Variants in ITPKC observed in about 807,000 individuals in gnomAD.
ITPKC encodes inositol-trisphosphate 3-kinase C.
A neutral mutation model predicts 67.1 loss-of-function variants in ITPKC; 33 were observed. The observed-to-expected ratio is 0.49, with a 90% CI of 0.37 to 0.66. The LOEUF (loss-of-function observed/expected upper bound fraction) is 0.66. ITPKC is among the 30% of genes least tolerant of loss of function. The pLI, the probability that ITPKC is intolerant of heterozygous loss-of-function variation, is 0.00. For synonymous variants in ITPKC, 341 were observed against 359.8 expected (o/e 0.95, Z 0.59); for missense variants, 820 against 892.1 (o/e 0.92, Z 1.03).
intron 5 of ITPKC, among the ~76,000 whole-genome samples, 196 bp downstream of exon 5, chr19:40,737,283 C>T (rs978013833): frequency 6.6e-6 from 1 of 152,204 alleles, no homozygotes; most frequent in African/African-American, 2.4e-5. Flanking sequence ...CCGGTTGGCT[C>T]ATGACTTGGC....
At chr19:40,730,476 G>T (rs1328800425) in intron 3 of ITPKC, among the ~76,000 whole-genome samples, 2 of 152,054 alleles carry the variant, frequency 1.3e-5, no homozygotes, top group Non-Finnish European at 2.9e-5. Context: ...CTGTTGCCCC[G>T]ACTGAAGTGA....
Position 40,737,695 on chromosome 19 carries a change from C to T in ITPKC, c.1777-3C>T, listed in dbSNP as rs749888176. 1 of 1,614,044 alleles carries T rather than the reference C, an allele frequency of 6.2e-7. No homozygotes were observed. Among genetic ancestry groups the T allele is most frequent in the South Asian group, 1.1e-5 (1 of 91,082 alleles). ...TAACCAAAGAACGCTCCCTGTCACACAGCAAAAGTACGTGGCATGCCTAGA... is the reference window on the plus strand; with the variant it reads ...TAACCAAAGAACGCTCCCTGTCACATAGCAAAAGTACGTGGCATGCCTAGA... On this transcript the variant is annotated splice_polypyrimidine_tract_variant and splice_region_variant and intron_variant, in intron 5 of 6. Coordinates refer to ENST00000263370, the MANE Select transcript of ITPKC (RefSeq NM_025194.3).
chr19:40,737,992 G>GAA (rs35811447), intron 6 of ITPKC, among the ~76,000 whole-genome samples: 2 of 114,426 alleles, frequency 1.7e-5, no homozygotes, highest in Non-Finnish European at 1.8e-5. Context: ...TCTCTATTTG[G>GAA]AAAAAAAAAA....
chr19:40,725,978 T>A (rs2082244779), intron 2 of ITPKC, among the ~76,000 whole-genome samples: 1 of 151,544 alleles, frequency 6.6e-6, no homozygotes. Flanking sequence ...CAGTGGCTCA[T>A]GCCTGTAATC....
intron 2 of ITPKC, among the ~76,000 whole-genome samples, chr19:40,726,373 A>G (rs1261487621): frequency 2.6e-5 from 4 of 152,214 alleles, no homozygotes; most frequent in Non-Finnish European, 5.9e-5. Flanking sequence ...GGACCTTGCA[A>G]ATGCCTGCAG....
At position 40,725,365 on chromosome 19, in the gene ITPKC, C is replaced by G. The variant is rs748714982; in HGVS notation, c.1181C>G (p.Thr394Arg). The change falls in exon 2 of 7, where the codon ACA becomes AGA. Residue 394 changes from threonine (T) to arginine (R), a missense_variant. Physicochemically the swap from Thr to Arg is moderately conservative, Grantham distance 71. Around this residue, in one of 2 missense-constraint regions of ITPKC, gnomAD observed 339 missense variants for 422.0 expected, o/e 0.80. Coordinates refer to ENST00000263370, the MANE Select transcript of ITPKC (RefSeq NM_025194.3). ...AGCAAACCCTGGAAGAAGCTGAAGA[C>G]AGTTCTGAAGTATTCACCCTTTGTG... ...SGSKPWKKLK[T>R]VLKYSPFVVS... 39 of 1,613,822 alleles carry G rather than the reference C, an allele frequency of 2.4e-5. No individual in the cohort carries two copies. Among genetic ancestry groups the G allele is most frequent in the Non-Finnish European group, 3.1e-5 (37 of 1,179,638 alleles).
chr19:40,737,827 G>A (rs2082301818), intron 6 of ITPKC, 58 bp downstream of exon 6: 9 of 1,417,254 alleles, frequency 6.4e-6, no homozygotes, highest in Non-Finnish European at 9.0e-6. Flanking sequence ...GGTGCATGGA[G>A]GGGAAACCAT....
At position 40,733,198 on chromosome 19, in the gene ITPKC, G is replaced by T; in HGVS notation, c.1508G>T (p.Arg503Leu). 2.5e-6 allele frequency: 4 copies of T among 1,614,206 alleles called. No homozygotes were observed. Among genetic ancestry groups the T allele is most frequent in the Non-Finnish European group, 3.4e-6 (4 of 1,180,030 alleles). ...GAGGAGCTAGTGAAGGCACGGGAAC[G>T]TCCCCGTCCCCGGAAGGACATGTAT... ...LEEELVKARE[R>L]PRPRKDMYEK... Residue 503 changes from arginine to leucine, a missense_variant, in exon 4 of 7, where the codon CGT (arginine) becomes CTT (leucine). Transcript: ENST00000263370.
At position 40,737,729 on chromosome 19, in the gene ITPKC, G is replaced by C; in HGVS notation, c.1808G>C (p.Arg603Pro). 6.2e-7 allele frequency: 1 copy of C among 1,614,150 alleles called. No homozygotes were observed. Among genetic ancestry groups the C allele is most frequent in the Non-Finnish European group, 8.5e-7 (1 of 1,180,010 alleles). The change falls in exon 6 of 7, where the codon CGT becomes CCT. Residue 603 changes from arginine to proline, a missense_variant. Physicochemically the swap from Arg to Pro is moderately radical, Grantham distance 103. Around this residue, in one of 2 missense-constraint regions of ITPKC, gnomAD observed 339 missense variants for 422.0 expected, o/e 0.80. Transcript: ENST00000263370. ...TACGTGGCATGCCTAGAAGAACTTCGTGAAGCTCTGGAGATCTCCCCCTTC... is the reference window on the plus strand; with the variant it reads ...TACGTGGCATGCCTAGAAGAACTTCCTGAAGCTCTGGAGATCTCCCCCTTC... ...QKYVACLEEL[R>P]EALEISPFFK...
Position 40,717,516 on chromosome 19 carries a change from C to G in ITPKC, c.381C>G (p.Ser127Arg). Residue 127 changes from serine to arginine, a missense_variant, in exon 1 of 7, where the codon AGC becomes AGG. By Grantham distance (110) the Ser-to-Arg change is moderately radical. Coordinates refer to ENST00000263370, the MANE Select transcript of ITPKC (RefSeq NM_025194.3). ...RSSLRTHLEWSWSELETTCLW... is the reference protein window; with the variant it reads ...RSSLRTHLEWRWSELETTCLW... The stretch of plus-strand genomic sequence containing the variant: ...GCCTCCGGACGCATCTAGAATGGAG[C>G]TGGTCAGAGCTGGAGACGACTTGTC... The G allele has an allele frequency of 6.2e-7, 1 of 1,614,122 alleles. No individual in the cohort carries two copies. Among genetic ancestry groups the G allele is most frequent in the Non-Finnish European group, 8.5e-7 (1 of 1,180,018 alleles).
chr19:40,717,766 G>T lies in ITPKC; in HGVS notation c.631G>T (p.Ala211Ser), dbSNP rs967152114. Residue 211 changes from alanine to serine, a missense_variant, in exon 1 of 7, where the codon GCC becomes TCC. Ala to Ser is a moderately conservative substitution (Grantham distance 99). Transcript: ENST00000263370. ...CAGCCTCCAGACTCACCCAGAAGGA[G>T]CCTGTCCCTCAAAAGAGCCAAGTGC... ...SSSLQTHPEG[A>S]CPSKEPSADG... 1 of 1,613,994 alleles carries T rather than the reference G, an allele frequency of 6.2e-7. No homozygotes were observed. Among genetic ancestry groups the T allele is most frequent in the Non-Finnish European group, 8.5e-7 (1 of 1,179,958 alleles).
At chr19:40,735,079 G>C (rs900205020) in intron 4 of ITPKC, among the ~76,000 whole-genome samples, 39 of 151,994 alleles carry the variant, frequency 2.6e-4, no homozygotes, top group Admixed American at 1.0e-3. Context: ...CACTGTGCCC[G>C]GCCTAATGTT....
chr19:40,721,778 T>C (rs2082223926), intron 1 of ITPKC, among the ~76,000 whole-genome samples: 1 of 152,182 alleles, frequency 6.6e-6, no homozygotes, highest in African/African-American at 2.4e-5. Flanking sequence ...GGTGGGAGGA[T>C]TGCCTGAGCC....
Position 40,733,364 on chromosome 19 carries a change from G to A in ITPKC, c.1674G>A (p.Lys558=), listed in dbSNP as rs2082280715. ...STLGFRIEGI[K]KADGTCNTNF... ...TGGGCTTCCGGATCGAGGGCATCAA[G>A]GTGAGGACCAGGAACCGCCTGGCCT... The change falls in exon 4 of 7, where the codon AAG becomes AAA. Residue 558 remains lysine, a splice_region_variant and synonymous_variant. Coordinates refer to ENST00000263370, the MANE Select transcript of ITPKC (RefSeq NM_025194.3). The A allele has an allele frequency of 6.2e-7, 1 of 1,606,460 alleles. No individual in the cohort carries two copies. The highest frequency in any genetic ancestry group is 8.5e-7 in the Non-Finnish European group (1 of 1,176,402).
rs1346009763 is a variant in ITPKC at position 40,739,566 on chromosome 19, T to C, written c.*6T>C. 1 of 1,609,762 alleles carries C rather than the reference T, an allele frequency of 6.2e-7. No homozygotes were observed. The highest frequency in any genetic ancestry group is 1.3e-5 in the African/African-American group (1 of 74,950). ...AGGGGCTGGCACAGAGCTGAGCTGC[T>C]CAGCCACCATCAGGTTAATTGGATG... On this transcript the variant is annotated 3_prime_UTR_variant, in exon 7 of 7. Transcript: ENST00000263370.
At chr19:40,736,962 GC>G in intron 4 of ITPKC, 23 bp from the exon 5 acceptor site, 1 of 1,486,838 alleles carries the variant, frequency 6.7e-7, no homozygotes, top group Non-Finnish European at 9.2e-7. Context: ...CCATGACCCT[GC>G]CCCTCCACAC....
Position 40,718,000 on chromosome 19 carries a change from C to A in ITPKC, c.865C>A (p.Pro289Thr). The A allele has an allele frequency of 6.2e-7, 1 of 1,614,152 alleles. No homozygotes were observed. Among genetic ancestry groups the A allele is most frequent in the Non-Finnish European group, 8.5e-7 (1 of 1,179,986 alleles). ...QPSTDGSQTA[P>T]GTDCLLGEPE... is the part of the protein sequence containing the mutation. ...TAGCACTGACGGTTCCCAGACAGCACCTGGGACAGACTGCCTCTTGGGAGA... is the reference window on the plus strand; with the variant it reads ...TAGCACTGACGGTTCCCAGACAGCAACTGGGACAGACTGCCTCTTGGGAGA... The change falls in exon 1 of 7, where the codon CCT (proline) becomes ACT (threonine). Residue 289 changes from proline to threonine, a missense_variant. Physicochemically the swap from Pro to Thr is conservative, Grantham distance 38. Transcript: ENST00000263370.
At chr19:40,733,599 T>C (rs181281589) in intron 4 of ITPKC, among the ~76,000 whole-genome samples, 6 of 152,324 alleles carry the variant, frequency 3.9e-5, no homozygotes, top group African/African-American at 1.4e-4. Flanking sequence ...TCCATGGTCA[T>C]GTCCTAGTCC....
In ITPKC at chr19:40,733,196, A is replaced by G. The variant is rs766235628; in HGVS notation, c.1506A>G (p.Glu502=). ...AAGAGGAGCTAGTGAAGGCACGGGAACGTCCCCGTCCCCGGAAGGACATGT... is the reference window on the plus strand; with the variant it reads ...AAGAGGAGCTAGTGAAGGCACGGGAGCGTCCCCGTCCCCGGAAGGACATGT... ...YLEEELVKAR[E]RPRPRKDMYE... is the part of the protein sequence containing the mutation. Residue 502 remains glutamate, a synonymous_variant, in exon 4 of 7, where the codon GAA becomes GAG. Coordinates refer to ENST00000263370, the MANE Select transcript of ITPKC (RefSeq NM_025194.3). The G allele has an allele frequency of 1.2e-6, 2 of 1,614,208 alleles. No homozygotes were observed. The highest frequency in any genetic ancestry group is 2.2e-5 in the South Asian group (2 of 91,086).
Sources: gnomAD v4.1 joint callset for allele counts (sites outside exome capture counted in the v4.1 genomes callset) on GRCh38, gnomAD v4.1.1 for gene constraint, gnomAD v4.1.1 regional missense constraint, MANE v1.5 for transcripts, NCBI Gene and HGNC (gene_info 2026-07-23, HGNC 2026-07-21) for gene names.